The following DPP10 variants were observed in gnomAD, a reference collection of about 807,000 sequenced individuals.
DPP10 encodes dipeptidyl peptidase like 10, also known as inactive dipeptidyl peptidase 10.
In DPP10, 33 loss-of-function variants were observed where a neutral mutation model predicts 120.9. The observed-to-expected ratio is 0.27, with a 90% CI of 0.21 to 0.37. The LOEUF (loss-of-function observed/expected upper bound fraction) is 0.37, where lower values mean the gene tolerates loss of function less well. Ranked by LOEUF, DPP10 falls within the 10% of genes least tolerant of loss-of-function variation. The probability of loss-of-function intolerance (pLI) is 1.00; values close to 1 mark genes in which losing one functional copy is unlikely to be tolerated. For missense variants in DPP10, 816 were observed against 942.8 expected (o/e 0.87, Z 1.76); for synonymous variants, 337 against 326.1 (o/e 1.03, Z -0.36).
intron 3 of DPP10, among the ~76,000 whole-genome samples, chr2:115,344,115 G>A (rs2063590792): frequency 7.8e-6 from 1 of 128,956 alleles, no homozygotes; most frequent in African/African-American, 3.0e-5. Context: ...CAACCTGGGT[G>A]ACAGAGCGAG....
chr2:115,235,724 G>C (rs2057966561), intron 1 of DPP10, among the ~76,000 whole-genome samples: 1 of 152,080 alleles, frequency 6.6e-6, no homozygotes, highest in Non-Finnish European at 1.5e-5. Context: ...AACACACCCA[G>C]CTAATTTTGT....
intron 1 of DPP10, among the ~76,000 whole-genome samples, chr2:114,525,289 A>G (rs1231106997): frequency 6.6e-6 from 1 of 152,208 alleles, no homozygotes; most frequent in Admixed American, 6.5e-5. Flanking sequence ...TAGGGAAGGG[A>G]TTTTAGGCAC....
In DPP10 at chr2:114,521,881, C is replaced by T. The variant is rs1002203962; in HGVS notation, c.60+79043C>T. 3.4e-5 allele frequency among the ~76,000 whole-genome samples: 5 copies of T among 146,924 alleles called. No individual in the cohort carries two copies. In the Admixed American group the frequency reaches 3.4e-4, roughly 10 times the overall value. On this transcript the variant is annotated intron_variant, in intron 1 of 25. Transcript: ENST00000410059. ...GGAGTGCAGTGGCGCAATCTCGGCT[C>T]ACTGCAAGCTCCGCTTCCCGGGTTC... is the stretch of plus-strand genomic sequence containing the variant.
chr2:115,256,601 T>A (rs2059009896), intron 1 of DPP10, among the ~76,000 whole-genome samples: 1 of 152,204 alleles, frequency 6.6e-6, no homozygotes, highest in South Asian at 2.1e-4. Context: ...GGGTCTTTGA[T>A]GGGAGTGGAT....
Position 115,746,141 on chromosome 2 carries a change from C to G in DPP10, c.908C>G (p.Thr303Ser), listed in dbSNP as rs779645450. ...TATGTTGTAAACCTGTATGGACCAACTCACACTTTGGAGCTCATGCCACCT... is the reference window on the plus strand; with the variant it reads ...TATGTTGTAAACCTGTATGGACCAAGTCACACTTTGGAGCTCATGCCACCT... Reference protein sequence around the residue: ...KLYVVNLYGPTHTLELMPPDS... With the variant: ...KLYVVNLYGPSHTLELMPPDS... Residue 303 changes from threonine (T) to serine (S), a missense_variant, in exon 10 of 26, where the codon ACT (threonine) becomes AGT (serine). Physicochemically the swap from Thr to Ser is moderately conservative, Grantham distance 58. Coordinates refer to ENST00000410059, the MANE Select transcript of DPP10 (RefSeq NM_020868.6). The G allele has an allele frequency of 6.2e-7, 1 of 1,612,854 alleles. No individual in the cohort carries two copies. The highest frequency in any genetic ancestry group is 8.5e-7 in the Non-Finnish European group (1 of 1,179,582).
At chr2:115,508,224 G>T (rs549468621) in intron 4 of DPP10, among the ~76,000 whole-genome samples, 17 of 152,172 alleles carry the variant, frequency 1.1e-4, no homozygotes, top group African/African-American at 4.1e-4. Context: ...GCAATCCATT[G>T]TCTCTTGGGG....
At chr2:114,679,016 C>T (rs966489492) in intron 1 of DPP10, among the ~76,000 whole-genome samples, 33 of 152,050 alleles carry the variant, frequency 2.2e-4, no homozygotes, top group African/African-American at 7.5e-4. Flanking sequence ...TTGAGACCCT[C>T]GTTCTGCTTT....
At position 114,518,214 on chromosome 2, in the gene DPP10, A is replaced by T. The variant is rs117327500; in HGVS notation, c.60+75376A>T. On this transcript the variant is annotated intron_variant, in intron 1 of 25. Coordinates refer to ENST00000410059, the MANE Select transcript of DPP10 (RefSeq NM_020868.6). ...TGCCTCAACATCCTGAATAGTTGGG[A>T]TTATAGGTACCCACCACCACGCCTG... 2.5e-3 allele frequency among the ~76,000 whole-genome samples: 373 copies of T among 150,268 alleles called. 11 individuals are homozygous for T. In the South Asian group the frequency reaches 0.038, roughly 15 times the overall value.
intron 8 of DPP10, among the ~76,000 whole-genome samples, chr2:115,736,638 A>G (rs1676540047): frequency 6.6e-6 from 1 of 152,164 alleles, no homozygotes; most frequent in East Asian, 1.9e-4. Context: ...AGGTTTTCAT[A>G]TAATTCATGT....
chr2:114,702,401 C>T (rs989470297), intron 1 of DPP10, among the ~76,000 whole-genome samples: 4 of 151,792 alleles, frequency 2.6e-5, no homozygotes, highest in East Asian at 2.0e-4. Flanking sequence ...TCACAGTGGG[C>T]GATCTCTATT....
rs558860395 is a variant in DPP10, at chr2:115,301,417, G to A, written c.61-7822G>A. On this transcript the variant is annotated intron_variant, in intron 1 of 25. Transcript: ENST00000410059. ...GACAGGCCAGAACTTTGCAAAATAA[G>A]TTCCACTGCCCTCCTTCCTTCCTGA... Among the ~76,000 whole-genome samples, 277 of 150,708 alleles carry A rather than the reference G, an allele frequency of 1.8e-3. 2 individuals are homozygous for A. The highest frequency in any genetic ancestry group is 3.0e-3 in the Non-Finnish European group (201 of 67,722).
chr2:115,455,011 T>C (rs913071269), intron 3 of DPP10, among the ~76,000 whole-genome samples: 1 of 150,924 alleles, frequency 6.6e-6, no homozygotes, highest in African/African-American at 2.4e-5. Flanking sequence ...AATGTAAATG[T>C]AAGTATAATA....
intron 1 of DPP10, among the ~76,000 whole-genome samples, chr2:114,787,079 G>T (rs774003739): frequency 1.3e-5 from 2 of 152,174 alleles, no homozygotes; most frequent in Non-Finnish European, 2.9e-5. Context: ...ATACGCATTG[G>T]GAAGAAAACT....
intron 1 of DPP10, among the ~76,000 whole-genome samples, chr2:114,998,491 A>G (rs1701239203): frequency 6.6e-6 from 1 of 152,190 alleles, no homozygotes; most frequent in Non-Finnish European, 1.5e-5. Flanking sequence ...TATTATAAGG[A>G]TACAGTCATA....
At chr2:115,376,004 G>A (rs1368024011) in intron 3 of DPP10, among the ~76,000 whole-genome samples, 2 of 152,160 alleles carry the variant, frequency 1.3e-5, no homozygotes, top group East Asian at 1.9e-4. Context: ...TCATTAGGCT[G>A]TTGAGTGTTA....
At position 115,843,031 on chromosome 2, in the gene DPP10, C is replaced by T. The variant is rs1156458613; in HGVS notation, c.*686C>T. 6.6e-6 allele frequency: 1 copy of T among 152,544 alleles called. No homozygotes were observed. Among genetic ancestry groups the T allele is most frequent in the African/African-American group, 2.4e-5 (1 of 41,428 alleles). The allele number at this position is 152,544 out of a possible 1,614,324, so 9.4% of individuals were successfully genotyped here. A position where few individuals can be genotyped will look rare whatever the true frequency, so the allele number is the denominator to read the frequency against. On this transcript the variant is annotated 3_prime_UTR_variant, in exon 26 of 26. Transcript: ENST00000410059. The stretch of plus-strand genomic sequence containing the variant: ...AAGTGTGCATATACAGTTAATGAAA[C>T]TATCTTTAAATGTTATTCATGCTAT...
intron 1 of DPP10, among the ~76,000 whole-genome samples, chr2:114,826,161 T>A (rs899865827): frequency 1.3e-5 from 2 of 151,922 alleles, no homozygotes; most frequent in African/African-American, 4.8e-5. Flanking sequence ...ATGTATAGAG[T>A]AAAATGTATG....
At chr2:115,662,439 T>TG (rs1382200516) in intron 5 of DPP10, among the ~76,000 whole-genome samples, 6 of 151,834 alleles carry the variant, frequency 4.0e-5, no homozygotes, top group African/African-American at 7.3e-5. Flanking sequence ...TTTTTATTTT[T>TG]TTTTTTTAGC....
intron 1 of DPP10, among the ~76,000 whole-genome samples, chr2:115,221,393 A>C (rs2057148632): frequency 6.6e-6 from 1 of 152,184 alleles, no homozygotes; most frequent in Admixed American, 6.6e-5. Flanking sequence ...AAATGCACTA[A>C]AGCAGGGTTC....
Sources: gnomAD v4.1 joint callset for allele counts (sites outside exome capture counted in the v4.1 genomes callset) on GRCh38, gnomAD v4.1.1 for gene constraint, MANE v1.5 for transcripts, NCBI Gene and HGNC (gene_info 2026-07-23, HGNC 2026-07-21) for gene names.